Variants in SORCS3 observed in about 807,000 individuals in gnomAD.
The protein encoded by SORCS3 is sortilin related VPS10 domain containing receptor 3, also known as VPS10 domain-containing receptor SorCS3.
Under a neutral mutation model 146.3 loss-of-function variants are expected in SORCS3, and 57 were observed. The observed-to-expected ratio is 0.39, with a 90% CI of 0.31 to 0.49. SORCS3 has a LOEUF of 0.49. Among genes scored for constraint, SORCS3 ranks in the 20% least tolerant of loss-of-function variants. The pLI, the probability that SORCS3 is intolerant of heterozygous loss-of-function variation, is 0.92. For missense variants in SORCS3, 1,341 were observed against 1,575.5 expected, an observed-to-expected ratio of 0.85 and a Z score of 2.52; for synonymous variants, 653 against 618.5, an observed-to-expected ratio of 1.06 and a Z score of -0.83.
chr10:104,683,666 G>T (rs888095857), intron 1 of SORCS3, among the ~76,000 whole-genome samples: 1 of 152,210 alleles, frequency 6.6e-6, no homozygotes, highest in Middle Eastern at 3.2e-3. Context: ...TTGGAGAGGG[G>T]AAGCTAGGTA....
intron 1 of SORCS3, among the ~76,000 whole-genome samples, chr10:104,699,286 C>A (rs890361064): frequency 6.6e-6 from 1 of 152,150 alleles, no homozygotes; most frequent in Non-Finnish European, 1.5e-5. Flanking sequence ...GACATGTTTG[C>A]AGAGCTCTTG....
chr10:104,879,617 T>C (rs565445997), intron 2 of SORCS3, among the ~76,000 whole-genome samples: 190 of 152,280 alleles, frequency 1.2e-3, no homozygotes, highest in African/African-American at 4.2e-3. Flanking sequence ...AAAAAGATGG[T>C]GGGGCTAGTC....
At chr10:104,718,762 A>G (rs1324449239) in intron 1 of SORCS3, among the ~76,000 whole-genome samples, 1 of 152,252 alleles carries the variant, frequency 6.6e-6, no homozygotes, top group Non-Finnish European at 1.5e-5. Context: ...TGTGATGAAC[A>G]AAGTAGGCCC....
At chr10:104,927,278 A>G (rs925745931) in intron 3 of SORCS3, among the ~76,000 whole-genome samples, 10 of 152,214 alleles carry the variant, frequency 6.6e-5, no homozygotes, top group African/African-American at 2.2e-4. Context: ...GGCCACATAC[A>G]ATGCTGGTTC....
chr10:104,811,266 A>G (rs937081783), intron 1 of SORCS3, among the ~76,000 whole-genome samples: 1 of 152,206 alleles, frequency 6.6e-6, no homozygotes, highest in African/African-American at 2.4e-5. Flanking sequence ...TCCCAGCTTC[A>G]TGGGAGTGGG....
intron 11 of SORCS3, among the ~76,000 whole-genome samples, chr10:105,162,336 A>C (rs1298485539): frequency 2.0e-5 from 3 of 152,090 alleles, no homozygotes; most frequent in African/African-American, 7.2e-5. Flanking sequence ...CTCCTCTCTC[A>C]TCATACCACT....
chr10:105,090,214 C>T (rs1359998341), intron 6 of SORCS3, among the ~76,000 whole-genome samples: 5 of 152,082 alleles, frequency 3.3e-5, no homozygotes, highest in African/African-American at 1.2e-4. Flanking sequence ...ATATAGGCAA[C>T]CTTACCAAAA....
At chr10:104,956,259 G>A (rs1211371145) in intron 3 of SORCS3, among the ~76,000 whole-genome samples, 1 of 152,164 alleles carries the variant, frequency 6.6e-6, no homozygotes, top group East Asian at 1.9e-4. Context: ...CATTACAAAT[G>A]ACAAGTTTGT....
At chr10:105,231,376 C>T (rs1455012327) in intron 20 of SORCS3, among the ~76,000 whole-genome samples, 2 of 152,134 alleles carry the variant, frequency 1.3e-5, no homozygotes, top group African/African-American at 4.8e-5. Context: ...ATCCTGTAAC[C>T]TTGCTATAAT....
At chr10:105,157,502 A>G (rs940876485) in intron 10 of SORCS3, among the ~76,000 whole-genome samples, 2 of 152,192 alleles carry the variant, frequency 1.3e-5, no homozygotes, top group Non-Finnish European at 2.9e-5. Flanking sequence ...AGGATCTACT[A>G]TGTGCTCCAT....
intron 3 of SORCS3, among the ~76,000 whole-genome samples, chr10:104,955,735 G>A (rs558417735): frequency 4.9e-4 from 75 of 152,142 alleles, no homozygotes; most frequent in African/African-American, 1.5e-3. Flanking sequence ...CCTTTCCTTC[G>A]TCCAAGACTC....
intron 1 of SORCS3, among the ~76,000 whole-genome samples, chr10:104,742,618 C>T (rs1172526022): frequency 6.6e-6 from 1 of 152,184 alleles, no homozygotes; most frequent in African/African-American, 2.4e-5. Flanking sequence ...GGCTGCAGAC[C>T]TTGGACAGCT....
At chr10:104,875,320 C>G (rs1335974258) in intron 2 of SORCS3, among the ~76,000 whole-genome samples, 1 of 152,132 alleles carries the variant, frequency 6.6e-6, no homozygotes, top group Non-Finnish European at 1.5e-5. Context: ...TTTGGTTTTA[C>G]AGTAGTGGGT....
At chr10:105,221,397 G>T (rs2056701741) in intron 19 of SORCS3, among the ~76,000 whole-genome samples, 1 of 152,158 alleles carries the variant, frequency 6.6e-6, no homozygotes, top group South Asian at 2.1e-4. Context: ...CAGTGGTGGT[G>T]GTCGGCAGTA....
intron 4 of SORCS3, among the ~76,000 whole-genome samples, chr10:105,027,618 G>T (rs750500568): frequency 1.8e-4 from 27 of 152,222 alleles, no homozygotes; most frequent in Middle Eastern, 3.4e-3. Flanking sequence ...GGCAAAAAAT[G>T]TGAGCCACAT....
chr10:104,945,478 C>T (rs113272524), intron 3 of SORCS3, among the ~76,000 whole-genome samples: 3 of 151,642 alleles, frequency 2.0e-5, no homozygotes, highest in African/African-American at 7.3e-5. Context: ...AGGCTGGTCT[C>T]GAACTCCTGA....
At chr10:105,182,861 C>A (rs528458096) in intron 14 of SORCS3, among the ~76,000 whole-genome samples, 3 of 152,160 alleles carry the variant, frequency 2.0e-5, no homozygotes, top group Admixed American at 2.0e-4. Flanking sequence ...TGCTACCATT[C>A]CCGGCTAATT....
At chr10:104,698,220 G>A (rs758032180) in intron 1 of SORCS3, among the ~76,000 whole-genome samples, 1 of 152,126 alleles carries the variant, frequency 6.6e-6, no homozygotes, top group Non-Finnish European at 1.5e-5. Context: ...CCATTTTACA[G>A]ATGTGGAATC....
intron 1 of SORCS3, among the ~76,000 whole-genome samples, chr10:104,696,006 T>TATAATATATCATATACAC (rs1589461037): frequency 8.3e-6 from 1 of 120,516 alleles, no homozygotes; most frequent in Admixed American, 9.5e-5. Context: ...ACATATAATA[T>TATAATATATCATATACAC]ATATAATATA....
Sources: gnomAD v4.1 joint callset for allele counts (sites outside exome capture counted in the v4.1 genomes callset) on GRCh38, gnomAD v4.1.1 for gene constraint, MANE v1.5 for transcripts, NCBI Gene and HGNC (gene_info 2026-07-23, HGNC 2026-07-21) for gene names.